CMYA5: variants seen among roughly 807,000 people sequenced by gnomAD.
CMYA5 encodes cardiomyopathy associated 5.
CMYA5 carries 246 observed loss-of-function variants against 318.9 expected under a neutral mutation model. The observed-to-expected ratio is 0.77, with a 90% CI of 0.70 to 0.86. CMYA5 has a LOEUF of 0.86. Among genes scored for constraint, CMYA5 ranks in the 40% least tolerant of loss-of-function variants. The pLI, the probability that CMYA5 is intolerant of heterozygous loss-of-function variation, is 0.00. For synonymous variants in CMYA5, 1,641 were observed against 1,729.5 expected (o/e 0.95, Z 1.27); for missense variants, 4,589 against 4,678.2 (o/e 0.98, Z 0.56).
intron 1 of CMYA5, among the ~76,000 whole-genome samples, chr5:79,701,321 A>AG (rs1827171437): frequency 1.3e-5 from 2 of 152,184 alleles, no homozygotes; most frequent in Non-Finnish European, 2.9e-5. Context: ...AGTTAACATT[A>AG]ATTGACTGTA....
In CMYA5 at chr5:79,733,678, G is replaced by C; in HGVS notation, c.4913G>C (p.Gly1638Ala). The C allele has an allele frequency of 6.2e-7, 1 of 1,613,774 alleles. No homozygotes were observed. Among genetic ancestry groups the C allele is most frequent in the Non-Finnish European group, 8.5e-7 (1 of 1,179,806 alleles). Residue 1638 changes from glycine (G) to alanine (A), a missense_variant, in exon 2 of 13, where the codon GGG becomes GCG. Coordinates refer to ENST00000446378, the MANE Select transcript of CMYA5 (RefSeq NM_153610.5). ...PHQPLELPNA[G>A]SEFSSDLGRQ... ...CAACCGTTGGAATTACCAAATGCTG[G>C]GTCAGAATTTTCTAGTGATTTAGGT... is the stretch of plus-strand genomic sequence containing the variant.
chr5:79,799,573 T>C lies in CMYA5; in HGVS notation c.12167T>C (p.Leu4056Ser). The change falls in exon 13 of 13, where the codon TTG (leucine) becomes TCG (serine). Residue 4056 changes from leucine (L) to serine (S), a missense_variant. Leu to Ser is a moderately radical substitution (Grantham distance 145). This residue lies in a region of CMYA5 where 2,431 missense variants were observed against 2,495.1 expected (regional missense o/e 0.97). Coordinates refer to ENST00000446378, the MANE Select transcript of CMYA5 (RefSeq NM_153610.5). ...CTGGAGAAACCTGGAAAATGTACTTTGCACCTGGGGATAGAGCCCCCGGAT... is the reference window on the plus strand; with the variant it reads ...CTGGAGAAACCTGGAAAATGTACTTCGCACCTGGGGATAGAGCCCCCGGAT... ...FALEKPGKCT[L>S]HLGIEPPDSV... The C allele has an allele frequency of 6.2e-7, 1 of 1,613,842 alleles. No individual in the cohort carries two copies. The highest frequency in any genetic ancestry group is 8.5e-7 in the Non-Finnish European group (1 of 1,179,826).
At chr5:79,695,675 G>A (rs527303799) in intron 1 of CMYA5, among the ~76,000 whole-genome samples, 30 of 152,362 alleles carry the variant, frequency 2.0e-4, no homozygotes, top group Non-Finnish European at 3.5e-4. Context: ...AAGAGGATTG[G>A]ATGACACAGT....
intron 9 of CMYA5, among the ~76,000 whole-genome samples, chr5:79,771,017 G>T (rs1337173117): frequency 6.8e-6 from 1 of 146,256 alleles, no homozygotes; most frequent in Non-Finnish European, 1.5e-5. Flanking sequence ...GCAGGCTTCA[G>T]TATTAGCAAA....
At chr5:79,739,425 A>G (rs1211283438) in intron 2 of CMYA5, 22 bp downstream of exon 2, 14 of 1,430,302 alleles carry the variant, frequency 9.8e-6, no homozygotes, top group African/African-American at 1.4e-5. Flanking sequence ...TTGAACACAC[A>G]TAATTAATAA....
chr5:79,725,643 C>T (rs1186220390), intron 1 of CMYA5, among the ~76,000 whole-genome samples: 3 of 152,126 alleles, frequency 2.0e-5, no homozygotes, highest in Non-Finnish European at 4.4e-5. Flanking sequence ...TGGCTCACGC[C>T]TGTAGTCCCA....
chr5:79,791,189 G>T (rs561303965), intron 11 of CMYA5, 120 bp downstream of exon 11: 152 of 661,878 alleles, frequency 2.3e-4, no homozygotes, highest in African/African-American at 2.3e-3. Context: ...TCGGGATGTG[G>T]TCTCAAATAT....
chr5:79,694,014 A>G (rs116155587), intron 1 of CMYA5, among the ~76,000 whole-genome samples: 112 of 152,294 alleles, frequency 7.4e-4, no homozygotes, highest in African/African-American at 2.5e-3. Context: ...ACCAGCTGCA[A>G]GGGCACTGAG....
chr5:79,691,694 C>T (rs528810107), intron 1 of CMYA5, among the ~76,000 whole-genome samples: 43 of 152,282 alleles, frequency 2.8e-4, no homozygotes, highest in Admixed American at 1.2e-3. Context: ...CACGTATCGA[C>T]GAAAAAGCAT....
intron 1 of CMYA5, among the ~76,000 whole-genome samples, chr5:79,726,012 T>C (rs1319178574): frequency 6.6e-6 from 1 of 152,248 alleles, no homozygotes; most frequent in East Asian, 1.9e-4. Context: ...GTGCTTTATA[T>C]TTGTACTCCT....
chr5:79,793,626 C>A lies in CMYA5; in HGVS notation c.11963+16C>A, dbSNP rs922048336. ...AGCCACAGAGGTAAGCGAGCCCTTC[C>A]CCTCCCCTCTTCATCAAAATATTAT... On this transcript the variant is annotated intron_variant, in intron 12 of 12. Coordinates refer to ENST00000446378, the MANE Select transcript of CMYA5 (RefSeq NM_153610.5). 2 of 1,580,534 alleles carry A rather than the reference C, an allele frequency of 1.3e-6. No homozygotes were observed. The highest frequency in any genetic ancestry group is 2.3e-5 in the East Asian group (1 of 44,022).
chr5:79,738,224 G>A lies in CMYA5; in HGVS notation c.9459G>A (p.Pro3153=), dbSNP rs777636508. Residue 3153 remains proline (P), a synonymous_variant, in exon 2 of 13, where the codon CCG becomes CCA. Coordinates refer to ENST00000446378, the MANE Select transcript of CMYA5 (RefSeq NM_153610.5). ...AGAGAGATGTGGACTCAAAGTCACC[G>A]GGGATGCCTTTATTTGAAGCAGAGG... ...DTKRDVDSKS[P]GMPLFEAEEG... 2.0e-5 allele frequency: 33 copies of A among 1,613,646 alleles called. No individual in the cohort carries two copies. The highest frequency in any genetic ancestry group is 6.7e-5 in the East Asian group (3 of 44,884).
At chr5:79,787,590 C>T (rs1470295237) in intron 9 of CMYA5, among the ~76,000 whole-genome samples, 1 of 152,188 alleles carries the variant, frequency 6.6e-6, no homozygotes. Flanking sequence ...GGACAGTCCT[C>T]TCCTGAGGGC....
rs147477651 is a variant in CMYA5 at position 79,760,520 on chromosome 5, C to G, written c.11261-1291C>G. 2.3e-4 allele frequency among the ~76,000 whole-genome samples: 35 copies of G among 152,282 alleles called. No individual in the cohort carries two copies. In the East Asian group the frequency reaches 6.6e-3, roughly 29 times the overall value. On this transcript the variant is annotated intron_variant, in intron 7 of 12. Transcript: ENST00000446378. ...CAGAGGAGGCCTTAGGAGACAGAAT[C>G]ATGGCAGAAGGTGAAGGGGAAGCAA... is the stretch of plus-strand genomic sequence containing the variant.
In CMYA5 at chr5:79,738,995, G is replaced by A; in HGVS notation, c.10230G>A (p.Glu3410=). The A allele has an allele frequency of 6.2e-7, 1 of 1,613,918 alleles. No individual in the cohort carries two copies. Reference sequence around the variant, plus strand: ...TGGTCCCACCTGAGCCAAGTGAAGAGAGGCTCCGTAATAGCCCTGTTCAGG... The same window carrying A: ...TGGTCCCACCTGAGCCAAGTGAAGAAAGGCTCCGTAATAGCCCTGTTCAGG... ...KILVPPEPSE[E]RLRNSPVQDE... Residue 3410 remains glutamate, a synonymous_variant, in exon 2 of 13, where the codon GAG becomes GAA. Transcript: ENST00000446378.
intron 11 of CMYA5, among the ~76,000 whole-genome samples, chr5:79,791,574 A>G (rs1291589470): frequency 6.6e-6 from 1 of 152,066 alleles, no homozygotes; most frequent in Non-Finnish European, 1.5e-5. Flanking sequence ...TACAAAAATT[A>G]GCCAGGTGTG....
chr5:79,789,799 G>A (rs757239074), intron 10 of CMYA5, among the ~76,000 whole-genome samples: 1 of 152,080 alleles, frequency 6.6e-6, no homozygotes, highest in Non-Finnish European at 1.5e-5. Flanking sequence ...TGGTAGGTTG[G>A]GGATATTCTT....
At position 79,799,568 on chromosome 5, in the gene CMYA5, T is replaced by C. The variant is rs775531663; in HGVS notation, c.12162T>C (p.Cys4054=). 1 of 1,613,896 alleles carries C rather than the reference T, an allele frequency of 6.2e-7. No individual in the cohort carries two copies. The highest frequency in any genetic ancestry group is 1.1e-5 in the South Asian group (1 of 91,048). Residue 4054 remains cysteine, a synonymous_variant, in exon 13 of 13, where the codon TGT becomes TGC. Transcript: ENST00000446378. ...TTGCCCTGGAGAAACCTGGAAAATG[T>C]ACTTTGCACCTGGGGATAGAGCCCC... The part of the protein sequence containing the change: ...PAFALEKPGK[C]TLHLGIEPPD...
At chr5:79,790,370 A>C (rs1829154580) in intron 10 of CMYA5, among the ~76,000 whole-genome samples, 1 of 152,024 alleles carries the variant, frequency 6.6e-6, no homozygotes, top group African/African-American at 2.4e-5. Context: ...CTTGGGTTCA[A>C]GCTACTCTCC....
Sources: gnomAD v4.1 joint callset for allele counts (sites outside exome capture counted in the v4.1 genomes callset) on GRCh38, gnomAD v4.1.1 for gene constraint, gnomAD v4.1.1 regional missense constraint, MANE v1.5 for transcripts, NCBI Gene and HGNC (gene_info 2026-07-23, HGNC 2026-07-21) for gene names.